The following MALRD1 variants were observed in gnomAD, a reference collection of about 807,000 sequenced individuals.
The protein encoded by MALRD1 is MAM and LDL receptor class A domain containing 1.
In MALRD1, 247 loss-of-function variants were observed where a neutral mutation model predicts 242.1. The ratio of observed to expected loss-of-function variants is 1.02; its 90% confidence interval spans 0.92 to 1.13. The LOEUF (loss-of-function observed/expected upper bound fraction) is 1.13. MALRD1 is among the 50% of genes most tolerant of loss of function. The pLI is 0.00. For missense variants in MALRD1, 2,989 were observed against 2,533.1 expected, an observed-to-expected ratio of 1.18 and a Z score of -3.86; for synonymous variants, 995 against 866.6, an observed-to-expected ratio of 1.15 and a Z score of -2.60.
chr10:19,166,688 A>G (rs1458169441), intron 13 of MALRD1, among the ~76,000 whole-genome samples: 3 of 152,188 alleles, frequency 2.0e-5, no homozygotes, highest in South Asian at 2.1e-4. Context: ...CATTTACCCC[A>G]TAAATATGTA....
At chr10:19,235,663 T>C (rs1255451488) in intron 18 of MALRD1, among the ~76,000 whole-genome samples, 1 of 143,222 alleles carries the variant, frequency 7.0e-6, no homozygotes, top group African/African-American at 2.6e-5. Flanking sequence ...TGGGAACACT[T>C]TCTAGTACAG....
intron 29 of MALRD1, among the ~76,000 whole-genome samples, chr10:19,471,302 A>G (rs1836481289): frequency 1.3e-5 from 2 of 151,896 alleles, no homozygotes; most frequent in South Asian, 4.2e-4. Flanking sequence ...GTCTGGTTTT[A>G]ATGCCAGTAT....
intron 38 of MALRD1, among the ~76,000 whole-genome samples, chr10:19,715,757 C>T (rs1340540336): frequency 6.6e-6 from 1 of 152,162 alleles, no homozygotes; most frequent in Non-Finnish European, 1.5e-5. Context: ...AGGCAACTTA[C>T]AATCATGGCG....
chr10:19,274,425 G>C (rs952003076), intron 19 of MALRD1, among the ~76,000 whole-genome samples: 4 of 152,158 alleles, frequency 2.6e-5, no homozygotes, highest in African/African-American at 9.7e-5. Context: ...TAGGTCAGGA[G>C]AGTAAAGCTT....
At chr10:19,085,448 A>G (rs949487409) in intron 2 of MALRD1, among the ~76,000 whole-genome samples, 14 of 152,022 alleles carry the variant, frequency 9.2e-5, no homozygotes, top group Non-Finnish European at 1.3e-4. Context: ...TAGAAAACAG[A>G]TATTGCCACT....
At chr10:19,625,179 C>T (rs1839596819) in intron 36 of MALRD1, among the ~76,000 whole-genome samples, 1 of 152,132 alleles carries the variant, frequency 6.6e-6, no homozygotes, top group Admixed American at 6.5e-5. Flanking sequence ...GATCTATGCT[C>T]AACCCTTGTG....
intron 8 of MALRD1, among the ~76,000 whole-genome samples, chr10:19,128,862 T>C (rs900072827): frequency 6.6e-6 from 1 of 152,088 alleles, no homozygotes; most frequent in African/African-American, 2.4e-5. Context: ...TCCATTCTTC[T>C]TCTCTCTCTC....
intron 26 of MALRD1, among the ~76,000 whole-genome samples, chr10:19,366,649 C>T (rs1845124070): frequency 6.6e-6 from 1 of 152,024 alleles, no homozygotes; most frequent in Non-Finnish European, 1.5e-5. Context: ...ATGACTATTT[C>T]ATAATGTGCT....
At chr10:19,241,830 C>A (rs1463294549) in intron 18 of MALRD1, among the ~76,000 whole-genome samples, 4 of 152,008 alleles carry the variant, frequency 2.6e-5, no homozygotes. Context: ...TTCTTGGGTG[C>A]ATGCTATTTA....
chr10:19,180,522 A>T (rs1835460248), intron 14 of MALRD1, among the ~76,000 whole-genome samples: 1 of 152,214 alleles, frequency 6.6e-6, no homozygotes. Context: ...TTCTCATGCG[A>T]AAGAATGAAA....
chr10:19,720,732 G>T (rs760747968), intron 38 of MALRD1, among the ~76,000 whole-genome samples: 1 of 151,820 alleles, frequency 6.6e-6, no homozygotes, highest in African/African-American at 2.4e-5. Context: ...CTATAAATCT[G>T]TCTTTATTAC....
chr10:19,589,299 A>T (rs1320319246), intron 33 of MALRD1, among the ~76,000 whole-genome samples: 4 of 152,162 alleles, frequency 2.6e-5, no homozygotes, highest in Non-Finnish European at 5.9e-5. Context: ...CTATATATAT[A>T]TATAGCTGTA....
At chr10:19,341,745 A>C (rs1843888972) in intron 24 of MALRD1, among the ~76,000 whole-genome samples, 1 of 151,982 alleles carries the variant, frequency 6.6e-6, no homozygotes, top group African/African-American at 2.4e-5. Context: ...AAAATGATGA[A>C]TCAAGCCAAA....
upstream of MALRD1, among the ~76,000 whole-genome samples, chr10:19,048,066 G>A (rs1479367997): frequency 6.6e-6 from 1 of 152,026 alleles, no homozygotes; most frequent in Non-Finnish European, 1.5e-5. Context: ...TCAATATATT[G>A]TTCATTCTGA....
rs71387043 is a variant in MALRD1, at chr10:19,121,043, C to CTT, written c.695-2432_695-2431dup. The stretch of plus-strand genomic sequence containing the variant: ...ACAGGCGTGAGCCACTGTGCCCGGC[C>CTT]TTTTTTTTTTTTTTTTTTGAGTTGG... On this transcript the variant is annotated intron_variant, in intron 5 of 39. Transcript: ENST00000454679. 9.8e-3 allele frequency among the ~76,000 whole-genome samples: 1,046 copies of CTT among 106,566 alleles called. 94 individuals are homozygous for CTT. The highest frequency in any genetic ancestry group is 0.034 in the African/African-American group (901 of 26,736). 69.9% of individuals were successfully genotyped at this position (106,566 alleles called of 152,430 possible).
At chr10:19,676,202 T>A (rs931263099) in intron 36 of MALRD1, among the ~76,000 whole-genome samples, 4 of 152,128 alleles carry the variant, frequency 2.6e-5, no homozygotes, top group African/African-American at 7.2e-5. Flanking sequence ...AACCACCTCA[T>A]AGGGACAAGA....
At position 19,175,328 on chromosome 10, in the gene MALRD1, T is replaced by C; in HGVS notation, c.1951T>C (p.Phe651Leu). ...SLPRTSTQSK[F>L]SKCDFEANSC... ...ACCAAGGACCAGTACACAAAGCAAG[T>C]GTAAGTTTTTCCTTGTCGTTGTTGC... Residue 651 changes from phenylalanine to leucine, a missense_variant and splice_region_variant, in exon 14 of 40, where the codon TTT becomes CTT. Physicochemically the swap from Phe to Leu is conservative, Grantham distance 22. Coordinates refer to ENST00000454679, the MANE Select transcript of MALRD1 (RefSeq NM_001142308.3). 1 of 1,229,934 alleles carries C rather than the reference T, an allele frequency of 8.1e-7. No individual in the cohort carries two copies. The allele number at this position is 1,229,934 out of a possible 1,614,324, so 76.2% of individuals were successfully genotyped here. A position where few individuals can be genotyped will look rare whatever the true frequency, so the allele number is the denominator to read the frequency against.
chr10:19,299,181 TTATAA>T (rs1305171511), intron 21 of MALRD1, among the ~76,000 whole-genome samples: 2 of 152,086 alleles, frequency 1.3e-5, no homozygotes, highest in East Asian at 3.9e-4. Context: ...ATTGATGGAC[TTATAA>T]TATGTAAATC....
chr10:19,309,252 A>G (rs71497270), intron 21 of MALRD1, among the ~76,000 whole-genome samples: 3,381 of 151,566 alleles, frequency 0.022, 55 homozygotes, highest in Middle Eastern at 0.054. Flanking sequence ...GGCTCCTTCA[A>G]TGTGGTGCCT....
Sources: gnomAD v4.1 joint callset for allele counts (sites outside exome capture counted in the v4.1 genomes callset) on GRCh38, gnomAD v4.1.1 for gene constraint, MANE v1.5 for transcripts, NCBI Gene and HGNC (gene_info 2026-07-23, HGNC 2026-07-21) for gene names.